NCKAP5: variants seen among roughly 807,000 people sequenced by gnomAD.
The protein encoded by NCKAP5 is nck-associated protein 5.
NCKAP5 carries 92 observed loss-of-function variants against 167.0 expected under a neutral mutation model. The ratio of observed to expected loss-of-function variants is 0.55; its 90% confidence interval spans 0.47 to 0.66. NCKAP5 has a LOEUF of 0.66. NCKAP5 is among the 30% of genes least tolerant of loss of function. The pLI is 0.00. For synonymous variants in NCKAP5, 891 were observed against 877.4 expected (o/e 1.02, Z -0.27); for missense variants, 2,378 against 2,315.0 (o/e 1.03, Z -0.56).
intron 8 of NCKAP5, among the ~76,000 whole-genome samples, chr2:132,890,690 CA>C (rs1439434776): frequency 6.6e-6 from 1 of 152,134 alleles, no homozygotes; most frequent in Non-Finnish European, 1.5e-5. Context: ...GATTATAATT[CA>C]AACTTACGGG....
At chr2:133,038,252 C>T (rs1239478699) in intron 6 of NCKAP5, among the ~76,000 whole-genome samples, 2 of 151,874 alleles carry the variant, frequency 1.3e-5, no homozygotes, top group South Asian at 2.1e-4. Context: ...ATACAGAAAA[C>T]GTGGTACATG....
intron 11 of NCKAP5, among the ~76,000 whole-genome samples, chr2:132,858,400 C>T (rs1279599555): frequency 3.3e-5 from 5 of 152,182 alleles, no homozygotes; most frequent in African/African-American, 1.2e-4. Context: ...GTTCATTATT[C>T]CACTCAACGC....
intron 8 of NCKAP5, among the ~76,000 whole-genome samples, chr2:132,920,660 T>G (rs1243731432): frequency 5.1e-5 from 3 of 58,814 alleles, no homozygotes; most frequent in African/African-American, 4.4e-4. Context: ...TGGAAGAACT[T>G]ATATATATAT....
At chr2:132,804,093 A>C (rs1032880211) in intron 11 of NCKAP5, among the ~76,000 whole-genome samples, 1 of 144,448 alleles carries the variant, frequency 6.9e-6, no homozygotes. Context: ...AACAAACAAA[A>C]TTCGGAAATA....
intron 8 of NCKAP5, among the ~76,000 whole-genome samples, chr2:132,924,184 T>C (rs1429500956): frequency 6.6e-6 from 1 of 152,208 alleles, no homozygotes; most frequent in Non-Finnish European, 1.5e-5. Context: ...AGAAGAGACA[T>C]TCTGCGAGTG....
intron 3 of NCKAP5, among the ~76,000 whole-genome samples, chr2:133,326,482 A>G (rs1478725530): frequency 6.1e-5 from 9 of 148,690 alleles, no homozygotes; most frequent in Admixed American, 2.7e-4. Flanking sequence ...AAAAAAAAAG[A>G]GAAAAAGAAA....
chr2:132,859,604 C>G (rs190644571), intron 11 of NCKAP5, among the ~76,000 whole-genome samples: 46 of 152,282 alleles, frequency 3.0e-4, no homozygotes, highest in African/African-American at 1.1e-3. Flanking sequence ...ACAGTATCAT[C>G]CAGATGACCA....
chr2:133,369,751 C>T (rs1375603629), intron 3 of NCKAP5, among the ~76,000 whole-genome samples: 1 of 152,240 alleles, frequency 6.6e-6, no homozygotes, highest in East Asian at 1.9e-4. Flanking sequence ...GCTTAAATAG[C>T]ATCTAAATGT....
At chr2:133,090,032 A>G (rs925496884) in intron 6 of NCKAP5, among the ~76,000 whole-genome samples, 1 of 152,062 alleles carries the variant, frequency 6.6e-6, no homozygotes, top group African/African-American at 2.4e-5. Flanking sequence ...AGGTTCTAGG[A>G]ATTCCAGATC....
chr2:133,478,922 A>T (rs1402841216), intron 3 of NCKAP5, among the ~76,000 whole-genome samples: 2 of 152,028 alleles, frequency 1.3e-5, no homozygotes, highest in African/African-American at 4.8e-5. Context: ...CCCAATTGTC[A>T]CCCTGAAGAA....
the NCKAP5 span, among the ~76,000 whole-genome samples, chr2:133,605,006 A>G: frequency 1.1e-4 from 17 of 152,286 alleles, no homozygotes; most frequent in Middle Eastern, 3.4e-3. Flanking sequence ...CCTTTCTGGG[A>G]AAGATATTTT....
chr2:133,234,678 C>A (rs1305724439), intron 4 of NCKAP5, among the ~76,000 whole-genome samples: 6 of 152,034 alleles, frequency 3.9e-5, no homozygotes, highest in African/African-American at 1.4e-4. Context: ...TGTATGCATT[C>A]TTTATAATTT....
the NCKAP5 span, among the ~76,000 whole-genome samples, chr2:133,621,371 C>T: frequency 2.0e-5 from 3 of 151,876 alleles, no homozygotes; most frequent in Non-Finnish European, 4.4e-5. Flanking sequence ...ATTGATAGAC[C>T]ATTAGCGAGG....
chr2:133,340,305 A>T (rs538658923), intron 3 of NCKAP5, among the ~76,000 whole-genome samples: 2 of 152,308 alleles, frequency 1.3e-5, no homozygotes, highest in Admixed American at 1.3e-4. Flanking sequence ...AATGAAAAGC[A>T]GCTCTTCGTC....
chr2:132,971,379 A>G (rs1209180007), intron 7 of NCKAP5, among the ~76,000 whole-genome samples: 2 of 152,054 alleles, frequency 1.3e-5, no homozygotes, highest in Non-Finnish European at 2.9e-5. Flanking sequence ...CTGGGGAGGG[A>G]GATGAGGCTG....
intron 6 of NCKAP5, among the ~76,000 whole-genome samples, chr2:132,996,226 T>C (rs2077594577): frequency 6.6e-6 from 1 of 152,236 alleles, no homozygotes; most frequent in Non-Finnish European, 1.5e-5. Context: ...CCCCTACTTA[T>C]GAAATTTAAA....
At chr2:133,440,326 T>C (rs1408009424) in intron 3 of NCKAP5, among the ~76,000 whole-genome samples, 1 of 152,122 alleles carries the variant, frequency 6.6e-6, no homozygotes, top group East Asian at 1.9e-4. Flanking sequence ...TGCACTGTGA[T>C]GATATTGTAG....
intron 6 of NCKAP5, among the ~76,000 whole-genome samples, chr2:133,054,275 T>G (rs1050928606): frequency 3.3e-5 from 5 of 152,194 alleles, no homozygotes; most frequent in Non-Finnish European, 5.9e-5. Context: ...GATGGTATGT[T>G]ACCTCCCCAC....
intron 3 of NCKAP5, among the ~76,000 whole-genome samples, chr2:133,448,957 C>T (rs556837324): frequency 7.9e-5 from 12 of 152,332 alleles, no homozygotes; most frequent in African/African-American, 2.9e-4. Context: ...AGACAAGATG[C>T]TGTGTTTACA....
Sources: gnomAD v4.1 joint callset for allele counts (sites outside exome capture counted in the v4.1 genomes callset) on GRCh38, gnomAD v4.1.1 for gene constraint, MANE v1.5 for transcripts, NCBI Gene and HGNC (gene_info 2026-07-23, HGNC 2026-07-21) for gene names.